SCAMP4: variants seen among roughly 807,000 people sequenced by gnomAD.
SCAMP4 encodes secretory carrier-associated membrane protein 4.
Under a neutral mutation model 32.1 loss-of-function variants are expected in SCAMP4, and 19 were observed. The observed-to-expected ratio is 0.59, with a 90% CI of 0.41 to 0.87. SCAMP4 has a LOEUF of 0.87. Ranked by LOEUF, SCAMP4 falls within the 40% of genes least tolerant of loss-of-function variation. SCAMP4 has a pLI of 0.00. For synonymous variants in SCAMP4, 152 were observed against 132.7 expected (o/e 1.15, Z -1.00); for missense variants, 302 against 309.0 (o/e 0.98, Z 0.17).
intron 1 of SCAMP4, chr19:1,911,868 G>T (rs1342290344): frequency 6.2e-6 from 4 of 643,422 alleles, no homozygotes; most frequent in Non-Finnish European, 9.3e-6. Context: ...ACCAATGGCT[G>T]TTTAAACTCT....
intron 1 of SCAMP4, among the ~76,000 whole-genome samples, chr19:1,909,514 G>A (rs947313437): frequency 6.6e-6 from 1 of 152,108 alleles, no homozygotes; most frequent in African/African-American, 2.4e-5. Flanking sequence ...GCCAGCAGCA[G>A]GGATGGTAAC....
intron 6 of SCAMP4, 70 bp from the exon 7 acceptor site, chr19:1,924,038 G>A (rs572239661): frequency 1.3e-5 from 17 of 1,345,710 alleles, no homozygotes; most frequent in South Asian, 6.6e-5. Context: ...GGGATGACAG[G>A]CGTGAGTCCC....
In SCAMP4 at chr19:1,924,595, G is replaced by C. The variant is rs2014040498; in HGVS notation, c.*311G>C. The C allele has an allele frequency of 2.7e-6, 1 of 367,388 alleles. No individual in the cohort carries two copies. The highest frequency in any genetic ancestry group is 5.2e-6 in the Non-Finnish European group (1 of 190,960). The allele number at this position is 367,388 out of a possible 1,614,324, so 22.8% of individuals were successfully genotyped here. A position where few individuals can be genotyped will look rare whatever the true frequency, so the allele number is the denominator to read the frequency against. On this transcript the variant is annotated 3_prime_UTR_variant, in exon 7 of 7. Coordinates refer to ENST00000316097, the MANE Select transcript of SCAMP4 (RefSeq NM_079834.4). ...ACGGCTGGTACGGCCTTGTCTTCAGGTCTCGAGGCCTGACTCCGGGGGACA... is the reference window on the plus strand; with the variant it reads ...ACGGCTGGTACGGCCTTGTCTTCAGCTCTCGAGGCCTGACTCCGGGGGACA...
intron 1 of SCAMP4, chr19:1,912,876 C>T (rs766374171): frequency 1.9e-5 from 31 of 1,602,810 alleles, no homozygotes; most frequent in Middle Eastern, 1.6e-4. Context: ...CCAGGCCGTC[C>T]GCGCAGGCGC....
At chr19:1,909,680 A>G (rs1374548490) in intron 1 of SCAMP4, among the ~76,000 whole-genome samples, 2 of 152,182 alleles carry the variant, frequency 1.3e-5, no homozygotes, top group African/African-American at 4.8e-5. Context: ...GCCTTGGCAC[A>G]CTGCCCGGCA....
chr19:1,912,452 C>T (rs954931785), intron 1 of SCAMP4: 3 of 1,506,716 alleles, frequency 2.0e-6, no homozygotes, highest in Non-Finnish European at 2.6e-6. Flanking sequence ...ACCCCCGCGG[C>T]CTGGGGCAAC....
chr19:1,915,687 C>T (rs936392029), intron 2 of SCAMP4: 1 of 153,458 alleles, frequency 6.5e-6, no homozygotes, highest in African/African-American at 2.4e-5. Context: ...TGGCTCACGC[C>T]TGTAATCCCA....
intron 1 of SCAMP4, chr19:1,912,578 T>A: frequency 6.7e-7 from 1 of 1,496,528 alleles, no homozygotes; most frequent in Non-Finnish European, 8.9e-7. Flanking sequence ...GCGCCCTGGC[T>A]GGGCGGCTCT....
At chr19:1,909,676 G>A (rs1405776829) in intron 1 of SCAMP4, among the ~76,000 whole-genome samples, 1 of 152,212 alleles carries the variant, frequency 6.6e-6, no homozygotes, top group African/African-American at 2.4e-5. Flanking sequence ...AGCCGCCTTG[G>A]CACACTGCCC....
In SCAMP4 at chr19:1,924,483, C is replaced by T; in HGVS notation, c.*199C>T. The T allele has an allele frequency of 1.7e-6, 1 of 595,908 alleles. No homozygotes were observed. The highest frequency in any genetic ancestry group is 3.0e-6 in the Non-Finnish European group (1 of 333,404). 36.9% of individuals were successfully genotyped at this position (595,908 alleles called of 1,614,324 possible). The stretch of plus-strand genomic sequence containing the variant: ...TCTCATCCGAGAGCGGAGTTCCTCA[C>T]AAGCACTCCCCAGCAGCCCTTGGCC... On this transcript the variant is annotated 3_prime_UTR_variant, in exon 7 of 7. Coordinates refer to ENST00000316097, the MANE Select transcript of SCAMP4 (RefSeq NM_079834.4).
Position 1,924,377 on chromosome 19 carries a change from C to A in SCAMP4, c.*93C>A. ...CGAGGGCTGGGAGTACCTGGGGCCC[C>A]ATCCCCCCAGCTGGGATGGTGGAAG... is the stretch of plus-strand genomic sequence containing the variant. On this transcript the variant is annotated 3_prime_UTR_variant, in exon 7 of 7. Coordinates refer to ENST00000316097, the MANE Select transcript of SCAMP4 (RefSeq NM_079834.4). The A allele has an allele frequency of 8.1e-7, 1 of 1,236,616 alleles. No individual in the cohort carries two copies. Among genetic ancestry groups the A allele is most frequent in the Non-Finnish European group, 1.1e-6 (1 of 889,578 alleles). The allele number at this position is 1,236,616 out of a possible 1,614,324, so 76.6% of individuals were successfully genotyped here. A position where few individuals can be genotyped will look rare whatever the true frequency, so the allele number is the denominator to read the frequency against.
At chr19:1,917,437 C>T (rs1947190555) in intron 2 of SCAMP4, among the ~76,000 whole-genome samples, 1 of 152,214 alleles carries the variant, frequency 6.6e-6, no homozygotes, top group African/African-American at 2.4e-5. Flanking sequence ...CGCCCCCATC[C>T]CTCCACTCAG....
Position 1,908,284 on chromosome 19 carries a change from C to T in SCAMP4, c.-42+2845C>T, listed in dbSNP as rs1165887794. ...CTCCCACTGCATCTCCGGTTCTGTG[C>T]TTTGTTGAACGCGTGAGCTTCGGGC... On this transcript the variant is annotated intron_variant, in intron 1 of 6. Transcript: ENST00000316097. This position sits in a 1 kb window ranked among gnomAD's most constrained non-coding sequence, Gnocchi z 4.2. The T allele has an allele frequency of 6.3e-6, 2 of 319,652 alleles. No homozygotes were observed. The highest frequency in any genetic ancestry group is 4.5e-5 in the African/African-American group (2 of 44,482). The allele number at this position is 319,652 out of a possible 1,614,324, so 19.8% of individuals were successfully genotyped here.
chr19:1,921,383 G>C, intron 5 of SCAMP4: 1 of 985,462 alleles, frequency 1.0e-6, no homozygotes, highest in Non-Finnish European at 1.2e-6. Context: ...CCCCAGCGGG[G>C]CCTAGCTGTG....
At chr19:1,913,171 G>A (rs776238929) in intron 1 of SCAMP4, 62 of 1,504,542 alleles carry the variant, frequency 4.1e-5, no homozygotes, top group South Asian at 7.7e-5. Flanking sequence ...TCCTGCCTCC[G>A]GACCCTTCCC....
intron 1 of SCAMP4, chr19:1,907,192 A>G (rs7254955): frequency 0.15 from 22,759 of 151,368 alleles, 1,951 homozygotes; most frequent in East Asian, 0.25. Flanking sequence ...CCCAAAAAAA[A>G]AAAAGCCCCC....
chr19:1,924,775 C>T lies in SCAMP4; in HGVS notation c.*491C>T, dbSNP rs542505573. ...AATAAGAGGCGTCGGGGCCAGCTTCCGGTCCCCTGCAGTGATAGAGGGCTT... is the reference window on the plus strand; with the variant it reads ...AATAAGAGGCGTCGGGGCCAGCTTCTGGTCCCCTGCAGTGATAGAGGGCTT... On this transcript the variant is annotated 3_prime_UTR_variant, in exon 7 of 7. Coordinates refer to ENST00000316097, the MANE Select transcript of SCAMP4 (RefSeq NM_079834.4). 8.8e-5 allele frequency: 17 copies of T among 192,700 alleles called. No homozygotes were observed. The highest frequency in any genetic ancestry group is 3.1e-4 in the Admixed American group (6 of 19,126). 11.9% of individuals were successfully genotyped at this position (192,700 alleles called of 1,614,324 possible).
chr19:1,913,024 C>T (rs775738748), intron 1 of SCAMP4: 9 of 1,604,978 alleles, frequency 5.6e-6, no homozygotes, highest in East Asian at 2.2e-5. Context: ...TTCTACGGTG[C>T]GCCCTCGCCC....
At position 1,905,435 on chromosome 19, in the gene SCAMP4, C is replaced by G; in HGVS notation, c.-46C>G. On this transcript the variant is annotated 5_prime_UTR_variant, in exon 1 of 7. Coordinates refer to ENST00000316097, the MANE Select transcript of SCAMP4 (RefSeq NM_079834.4). Reference sequence around the variant, plus strand: ...AAGCGCTGCGCTCGCGCCCGGATCCCTCAGGTAAGCGCGCGGCCCCGAGGT... The same window carrying G: ...AAGCGCTGCGCTCGCGCCCGGATCCGTCAGGTAAGCGCGCGGCCCCGAGGT... The G allele has an allele frequency of 8.6e-6, 4 of 463,300 alleles. No homozygotes were observed. Among genetic ancestry groups the G allele is most frequent in the South Asian group, 4.7e-5 (3 of 63,258 alleles). The allele number at this position is 463,300 out of a possible 1,614,324, so 28.7% of individuals were successfully genotyped here.
Sources: allele counts gnomAD v4.1 joint callset (sites outside exome capture counted in the v4.1 genomes callset), GRCh38; gene constraint gnomAD v4.1.1; non-coding constraint Gnocchi (gnomAD v3.1); transcripts MANE v1.5; gene names NCBI Gene and HGNC (gene_info 2026-07-23, HGNC 2026-07-21).